The following MAGI2 variants were observed in gnomAD, a reference collection of about 807,000 sequenced individuals.
MAGI2 encodes membrane associated guanylate kinase, WW and PDZ domain containing 2.
MAGI2 carries 35 observed loss-of-function variants against 133.3 expected under a neutral mutation model. The observed-to-expected ratio is 0.26, with a 90% CI of 0.20 to 0.35. MAGI2 has a LOEUF of 0.35. Among genes scored for constraint, MAGI2 ranks in the 10% least tolerant of loss-of-function variants. The probability of loss-of-function intolerance (pLI) is 1.00; values close to 1 mark genes in which losing one functional copy is unlikely to be tolerated. For missense variants in MAGI2, 1,636 were observed against 1,863.4 expected, an observed-to-expected ratio of 0.88 and a Z score of 2.25; for synonymous variants, 729 against 710.6, an observed-to-expected ratio of 1.03 and a Z score of -0.41.
intron 1 of MAGI2, among the ~76,000 whole-genome samples, chr7:79,159,888 C>A (rs1237981481): frequency 2.0e-5 from 3 of 151,990 alleles, no homozygotes; most frequent in Non-Finnish European, 4.4e-5. Context: ...ATTCTGCATG[C>A]TGTTATATCT....
At chr7:79,239,693 C>T (rs891944172) in intron 1 of MAGI2, among the ~76,000 whole-genome samples, 1 of 152,132 alleles carries the variant, frequency 6.6e-6, no homozygotes, top group Admixed American at 6.5e-5. Context: ...GAATACCAAC[C>T]ACAGACAAGT....
chr7:78,526,288 G>A (rs1796944406), intron 3 of MAGI2, among the ~76,000 whole-genome samples: 1 of 152,170 alleles, frequency 6.6e-6, no homozygotes, highest in Non-Finnish European at 1.5e-5. Flanking sequence ...AGGCAAAATT[G>A]CTACCAAAGC....
chr7:78,837,575 C>A (rs1447779696), intron 2 of MAGI2, among the ~76,000 whole-genome samples: 2 of 151,992 alleles, frequency 1.3e-5, no homozygotes, highest in African/African-American at 4.8e-5. Context: ...AAGGAACTAA[C>A]CAGTATATAG....
At chr7:78,195,944 T>G (rs1828689979) in intron 11 of MAGI2, among the ~76,000 whole-genome samples, 1 of 152,186 alleles carries the variant, frequency 6.6e-6, no homozygotes, top group Non-Finnish European at 1.5e-5. Flanking sequence ...TATGTAAGAT[T>G]TAGACTAGTT....
chr7:78,098,849 G>A (rs554579183), intron 20 of MAGI2, among the ~76,000 whole-genome samples: 3 of 152,140 alleles, frequency 2.0e-5, no homozygotes, highest in East Asian at 1.9e-4. Context: ...TTCCTGATAC[G>A]GAGTATGTTT....
At chr7:78,977,851 C>T (rs1028492728) in intron 2 of MAGI2, among the ~76,000 whole-genome samples, 4 of 151,768 alleles carry the variant, frequency 2.6e-5, no homozygotes, top group African/African-American at 9.6e-5. Flanking sequence ...AATAAGAGAG[C>T]ATGCAAACCA....
intron 1 of MAGI2, among the ~76,000 whole-genome samples, chr7:79,379,413 A>G (rs1455349658): frequency 1.3e-5 from 2 of 152,016 alleles, no homozygotes; most frequent in African/African-American, 4.8e-5. Flanking sequence ...ATAGTGCCAC[A>G]GTAAACATAC....
chr7:79,394,441 G>T (rs1844898192), intron 1 of MAGI2, among the ~76,000 whole-genome samples: 1 of 152,126 alleles, frequency 6.6e-6, no homozygotes. Flanking sequence ...TATCCAGGTG[G>T]GATGTCCTTG....
At chr7:78,599,076 G>C (rs145578586) in intron 3 of MAGI2, among the ~76,000 whole-genome samples, 1 of 152,128 alleles carries the variant, frequency 6.6e-6, no homozygotes, top group Non-Finnish European at 1.5e-5. Context: ...TAAAGATGCA[G>C]ATTTATCATT....
intron 6 of MAGI2, among the ~76,000 whole-genome samples, chr7:78,446,322 G>A (rs1788137246): frequency 6.6e-6 from 1 of 152,012 alleles, no homozygotes; most frequent in South Asian, 2.1e-4. Context: ...TGTGATGGAA[G>A]TGATCAACTT....
At chr7:79,313,898 G>A (rs888828261) in intron 1 of MAGI2, among the ~76,000 whole-genome samples, 1 of 151,286 alleles carries the variant, frequency 6.6e-6, no homozygotes, top group African/African-American at 2.4e-5. Context: ...CACCTCCTGG[G>A]TTCAAGTGAT....
chr7:78,039,714 A>G (rs1810602137), intron 21 of MAGI2: 1 of 152,254 alleles, frequency 6.6e-6, no homozygotes. Flanking sequence ...GGAATAAATC[A>G]TAATAAATGG....
At chr7:78,434,566 A>G (rs1288878210) in intron 6 of MAGI2, among the ~76,000 whole-genome samples, 1 of 152,124 alleles carries the variant, frequency 6.6e-6, no homozygotes, top group African/African-American at 2.4e-5. Context: ...TGGAAAGGGA[A>G]TAAAAGGGGA....
intron 1 of MAGI2, among the ~76,000 whole-genome samples, chr7:79,093,977 A>C (rs1817311085): frequency 6.6e-6 from 1 of 151,998 alleles, no homozygotes; most frequent in Non-Finnish European, 1.5e-5. Flanking sequence ...AGCCTCCCAA[A>C]GTGCTGGAGT....
intron 2 of MAGI2, among the ~76,000 whole-genome samples, chr7:78,755,527 C>A (rs1466171693): frequency 6.6e-6 from 1 of 152,096 alleles, no homozygotes; most frequent in East Asian, 1.9e-4. Flanking sequence ...AAACAAAAAT[C>A]ATGATTTTGG....
At chr7:79,107,906 A>G (rs970470932) in intron 1 of MAGI2, among the ~76,000 whole-genome samples, 2 of 152,250 alleles carry the variant, frequency 1.3e-5, no homozygotes, top group African/African-American at 4.8e-5. Context: ...CATTTGTAGT[A>G]TATACCCACA....
chr7:78,281,359 G>A (rs1795555943), intron 9 of MAGI2, among the ~76,000 whole-genome samples: 1 of 152,046 alleles, frequency 6.6e-6, no homozygotes, highest in Non-Finnish European at 1.5e-5. Flanking sequence ...AAATTATGGG[G>A]GCAGTTTCCC....
At chr7:78,625,466 A>G (rs1159501308) in intron 3 of MAGI2, among the ~76,000 whole-genome samples, 2 of 151,698 alleles carry the variant, frequency 1.3e-5, no homozygotes, top group Non-Finnish European at 2.9e-5. Flanking sequence ...CAAAAAGTTA[A>G]AAAAAAATGG....
intron 1 of MAGI2, among the ~76,000 whole-genome samples, chr7:79,139,333 C>T (rs1462190132): frequency 6.6e-6 from 1 of 152,178 alleles, no homozygotes; most frequent in East Asian, 1.9e-4. Context: ...GTACCACCTA[C>T]CATGCTAAGG....
Sources: allele counts gnomAD v4.1 joint callset (sites outside exome capture counted in the v4.1 genomes callset), GRCh38; gene constraint gnomAD v4.1.1; transcripts MANE v1.5; gene names NCBI Gene and HGNC (gene_info 2026-07-23, HGNC 2026-07-21).